Variants in PSMA1 observed in about 807,000 individuals in gnomAD.
PSMA1 encodes the protein proteasome subunit alpha type-1.
A neutral mutation model predicts 38.4 loss-of-function variants in PSMA1; 3 were observed. That is an observed-to-expected ratio of 0.08 (90% CI 0.04 to 0.20). The LOEUF (loss-of-function observed/expected upper bound fraction) is 0.20, where lower values mean the gene tolerates loss of function less well. Among genes scored for constraint, PSMA1 ranks in the 10% least tolerant of loss-of-function variants. PSMA1 has a pLI of 1.00. For missense variants in PSMA1, 227 were observed against 325.3 expected (o/e 0.70, Z 2.32); for synonymous variants, 101 against 107.1 (o/e 0.94, Z 0.35).
chr11:14,636,892 C>A (rs1275992334), intron 1 of PSMA1, among the ~76,000 whole-genome samples: 1 of 152,200 alleles, frequency 6.6e-6, no homozygotes. Flanking sequence ...CATTGCCTTA[C>A]AGAACTTTAT....
chr11:14,543,940 C>T (rs866407666), intron 2 of PSMA1, among the ~76,000 whole-genome samples: 1 of 152,214 alleles, frequency 6.6e-6, no homozygotes, highest in Non-Finnish European at 1.5e-5. Context: ...TCGGCATATT[C>T]ACAGAGTTGT....
intron 2 of PSMA1, among the ~76,000 whole-genome samples, chr11:14,535,854 T>C (rs1025465254): frequency 6.6e-6 from 1 of 152,204 alleles, no homozygotes; most frequent in South Asian, 2.1e-4. Context: ...TGTTTTTCTG[T>C]TCCATTCTTC....
intron 2 of PSMA1, among the ~76,000 whole-genome samples, chr11:14,536,562 C>T (rs1484420677): frequency 6.6e-6 from 1 of 151,580 alleles, no homozygotes; most frequent in Non-Finnish European, 1.5e-5. Context: ...AACAAAAAAA[C>T]TCAGATATTT....
At chr11:14,625,402 T>G (rs1045354508) in intron 1 of PSMA1, among the ~76,000 whole-genome samples, 3 of 152,130 alleles carry the variant, frequency 2.0e-5, no homozygotes, top group Non-Finnish European at 4.4e-5. Flanking sequence ...GAGCTGAGAT[T>G]GTGCCACTGC....
chr11:14,577,257 G>T (rs1340506312), intron 2 of PSMA1, among the ~76,000 whole-genome samples: 2 of 152,146 alleles, frequency 1.3e-5, no homozygotes, highest in Non-Finnish European at 2.9e-5. Context: ...ATTTTACAGA[G>T]GAGAAATCTG....
intron 2 of PSMA1, among the ~76,000 whole-genome samples, chr11:14,602,112 A>G (rs1359354013): frequency 1.3e-5 from 2 of 152,234 alleles, no homozygotes; most frequent in Non-Finnish European, 2.9e-5. Context: ...AGAACCATCT[A>G]TAATGGCACA....
rs762049220 is a variant in PSMA1 at position 14,520,303 on chromosome 11, G to A, written c.-4C>T. The A allele has an allele frequency of 2.6e-5, 42 of 1,614,072 alleles. 1 individual carries two copies. Among genetic ancestry groups the A allele is most frequent in the Admixed American group, 2.5e-4 (15 of 60,016 alleles). Reference sequence around the variant, plus strand: ...AGATCGGGATTCAACGTACCATGGTGGCGGCGCGGGCCTGGTTGCGGCCTC... The same window carrying A: ...AGATCGGGATTCAACGTACCATGGTAGCGGCGCGGGCCTGGTTGCGGCCTC... On this transcript the variant is annotated 5_prime_UTR_variant, in exon 1 of 10. Coordinates refer to ENST00000396394, the MANE Select transcript of PSMA1 (RefSeq NM_002786.4).
At chr11:14,545,656 A>G (rs1851818155) in intron 2 of PSMA1, among the ~76,000 whole-genome samples, 7 of 152,184 alleles carry the variant, frequency 4.6e-5, no homozygotes, top group Non-Finnish European at 1.0e-4. Flanking sequence ...TCCTTTTTTA[A>G]TTAACACATT....
At chr11:14,627,351 T>C (rs997623264) in intron 1 of PSMA1, among the ~76,000 whole-genome samples, 1 of 152,190 alleles carries the variant, frequency 6.6e-6, no homozygotes, top group African/African-American at 2.4e-5. Flanking sequence ...TTGAGGTGCT[T>C]GGTAGAAATG....
chr11:14,532,027 A>C (rs1851652399), intron 2 of PSMA1, among the ~76,000 whole-genome samples: 1 of 151,976 alleles, frequency 6.6e-6, no homozygotes, highest in South Asian at 2.1e-4. Flanking sequence ...CCCTTTGGAG[A>C]GTGCATCTGA....
chr11:14,550,589 A>G (rs562204867), intron 2 of PSMA1, among the ~76,000 whole-genome samples: 138 of 152,264 alleles, frequency 9.1e-4, no homozygotes, highest in African/African-American at 3.2e-3. Flanking sequence ...GTGTCATTTT[A>G]AGAAAACTAG....
chr11:14,559,670 G>C (rs377085159), intron 2 of PSMA1, among the ~76,000 whole-genome samples: 5 of 152,210 alleles, frequency 3.3e-5, no homozygotes, highest in African/African-American at 1.2e-4. Flanking sequence ...TGCTGCTGGT[G>C]AGGTAAATGA....
intron 4 of PSMA1, 117 bp downstream of exon 4, chr11:14,517,525 T>C: frequency 1.2e-6 from 1 of 855,904 alleles, no homozygotes; most frequent in Non-Finnish European, 1.8e-6. Flanking sequence ...GTATTCATAA[T>C]CTTAATTTAC....
chr11:14,513,609 G>A lies in PSMA1; in HGVS notation c.505C>T (p.Arg169Cys), dbSNP rs775181122. ...MSIGARSQSA[R>C]TYLERHMSEF... is the part of the protein sequence containing the mutation. ...GACATATGTCTCTCCAAGTAAGTACGAGCTGATTGGGAACGGGCTCCAATG... is the reference window on the plus strand; with the variant it reads ...GACATATGTCTCTCCAAGTAAGTACAAGCTGATTGGGAACGGGCTCCAATG... The change falls in exon 7 of 10, where the codon CGT becomes TGT. Residue 169 changes from arginine (R) to cysteine (C), a missense_variant. Physicochemically the swap from Arg to Cys is radical, Grantham distance 180. Coordinates refer to ENST00000396394, the MANE Select transcript of PSMA1 (RefSeq NM_002786.4). 2.5e-6 allele frequency: 4 copies of A among 1,582,048 alleles called. No individual in the cohort carries two copies. The highest frequency in any genetic ancestry group is 2.3e-5 in the East Asian group (1 of 43,986).
chr11:14,632,524 G>A (rs1439949169), intron 1 of PSMA1, among the ~76,000 whole-genome samples: 3 of 148,086 alleles, frequency 2.0e-5, no homozygotes, highest in Non-Finnish European at 4.5e-5. Context: ...TAGGGTTTCT[G>A]CCGAGAGATC....
intron 2 of PSMA1, among the ~76,000 whole-genome samples, chr11:14,584,274 T>C (rs1852313804): frequency 6.6e-6 from 1 of 152,180 alleles, no homozygotes; most frequent in African/African-American, 2.4e-5. Context: ...GGATTATACA[T>C]ATGTGAATTT....
chr11:14,536,828 G>C (rs1023841376), intron 2 of PSMA1, among the ~76,000 whole-genome samples: 4 of 152,034 alleles, frequency 2.6e-5, no homozygotes, highest in African/African-American at 9.7e-5. Flanking sequence ...TGTTAGCCAG[G>C]ATGGTCTCAA....
At chr11:14,580,640 G>GA (rs1852271942) in intron 2 of PSMA1, among the ~76,000 whole-genome samples, 1 of 152,178 alleles carries the variant, frequency 6.6e-6, no homozygotes, top group South Asian at 2.1e-4. Flanking sequence ...AACATTTGCT[G>GA]AAAAATGAAA....
chr11:14,634,697 G>C (rs1235066611), intron 1 of PSMA1, among the ~76,000 whole-genome samples: 1 of 152,096 alleles, frequency 6.6e-6, no homozygotes, highest in Non-Finnish European at 1.5e-5. Flanking sequence ...CATGTTTTAG[G>C]GGCTGGTAGT....
Sources: gnomAD v4.1 joint callset for allele counts (sites outside exome capture counted in the v4.1 genomes callset) on GRCh38, gnomAD v4.1.1 for gene constraint, MANE v1.5 for transcripts, NCBI Gene and HGNC (gene_info 2026-07-23, HGNC 2026-07-21) for gene names.